Variants in TESK2 observed in about 807,000 individuals in gnomAD.
TESK2 encodes the protein dual specificity testis-specific protein kinase 2.
TESK2 carries 39 observed loss-of-function variants against 57.1 expected under a neutral mutation model. The ratio of observed to expected loss-of-function variants is 0.68; its 90% CI spans 0.53 to 0.89. The LOEUF is 0.89. Among genes scored for constraint, TESK2 ranks in the 40% least tolerant of loss-of-function variants. TESK2 has a pLI of 0.00. For synonymous variants in TESK2, 249 were observed against 267.9 expected, an observed-to-expected ratio of 0.93 and a Z score of 0.69; for missense variants, 646 against 732.1, an observed-to-expected ratio of 0.88 and a Z score of 1.36.
chr1:45,346,577 TAC>T, intron 9 of TESK2, 114 bp downstream of exon 9: 1 of 804,818 alleles, frequency 1.2e-6, no homozygotes, highest in Non-Finnish European at 2.1e-6. Flanking sequence ...TTGCTGTCAC[TAC>T]AGTGAAAATG....
chr1:45,401,528 A>AT (rs1649597361), intron 3 of TESK2, among the ~76,000 whole-genome samples: 1 of 152,168 alleles, frequency 6.6e-6, no homozygotes, highest in Non-Finnish European at 1.5e-5. Flanking sequence ...GGGCCACTGT[A>AT]TCAAAGCTGT....
chr1:45,376,403 G>C (rs1161868751), intron 4 of TESK2, among the ~76,000 whole-genome samples: 4 of 148,304 alleles, frequency 2.7e-5, no homozygotes, highest in Non-Finnish European at 5.9e-5. Context: ...TTTTTTAGTA[G>C]AGACAGGGTT....
intron 2 of TESK2, among the ~76,000 whole-genome samples, chr1:45,436,754 C>T (rs867665388): frequency 2.5e-4 from 37 of 150,834 alleles, no homozygotes; most frequent in African/African-American, 8.8e-4. Context: ...TCCCAAAGTG[C>T]TGGGATTACA....
At chr1:45,353,567 A>T (rs1190297227) in intron 5 of TESK2, among the ~76,000 whole-genome samples, 2 of 152,118 alleles carry the variant, frequency 1.3e-5, no homozygotes, top group Non-Finnish European at 2.9e-5. Flanking sequence ...GGGCAGAAGG[A>T]GTAGGAGTAT....
intron 4 of TESK2, among the ~76,000 whole-genome samples, chr1:45,359,289 G>A (rs865821213): frequency 4.0e-5 from 6 of 151,716 alleles, no homozygotes; most frequent in African/African-American, 7.3e-5. Context: ...GCCAGGCGCC[G>A]TGGCTCACGC....
In TESK2 at chr1:45,415,283, T is replaced by A; in HGVS notation, c.344+6442A>T. On this transcript the variant is annotated intron_variant, in intron 3 of 10. Coordinates refer to ENST00000372086, the MANE Select transcript of TESK2 (RefSeq NM_007170.3). ...AATATTGTGGAGGCCATGGGGCACT[T>A]TGGGTCTGGGAATGGCAAGACCAGC... The A allele has an allele frequency of 4.5e-6, 6 of 1,348,044 alleles. No individual in the cohort carries two copies. In the South Asian group the frequency reaches 7.0e-5, roughly 16 times the overall value. 83.5% of individuals were successfully genotyped at this position (1,348,044 alleles called of 1,614,324 possible). A position where few individuals can be genotyped will look rare whatever the true frequency, so the allele number is the denominator to read the frequency against.
chr1:45,425,161 C>T lies in TESK2; in HGVS notation c.223-3315G>A, dbSNP rs577175599. 5.9e-5 allele frequency among the ~76,000 whole-genome samples: 9 copies of T among 152,202 alleles called. No individual in the cohort carries two copies. The South Asian group carries it at 1.9e-3, about 32-fold the overall frequency. ...GATTATGATCTTGTATTTGGAAAAA[C>T]CTAAGACTACACTAAAAAAACTATT... On this transcript the variant is annotated intron_variant, in intron 2 of 10. Coordinates refer to ENST00000372086, the MANE Select transcript of TESK2 (RefSeq NM_007170.3).
chr1:45,489,645 C>T (rs1653634618), intron 1 of TESK2, among the ~76,000 whole-genome samples: 1 of 152,144 alleles, frequency 6.6e-6, no homozygotes, highest in African/African-American at 2.4e-5. Flanking sequence ...CAAAAATTAG[C>T]CGGACGTGGT....
chr1:45,480,458 C>CAAA (rs112614744), intron 1 of TESK2, among the ~76,000 whole-genome samples: 1 of 74,078 alleles, frequency 1.3e-5, no homozygotes, highest in African/African-American at 4.4e-5. Context: ...ACTCAGTCTC[C>CAAA]AAAAAAAAAA....
intron 3 of TESK2, among the ~76,000 whole-genome samples, chr1:45,408,571 A>C (rs1649931637): frequency 6.6e-6 from 1 of 152,238 alleles, no homozygotes; most frequent in African/African-American, 2.4e-5. Flanking sequence ...TATGGCTCAT[A>C]TAAAAAATGT....
intron 3 of TESK2, chr1:45,415,415 C>T (rs976273691): frequency 6.9e-6 from 5 of 724,342 alleles, no homozygotes; most frequent in African/African-American, 3.5e-5. Context: ...ACTCCTCCAC[C>T]CCATTTGCTC....
chr1:45,438,253 T>C (rs1651307951), intron 2 of TESK2, among the ~76,000 whole-genome samples: 1 of 152,198 alleles, frequency 6.6e-6, no homozygotes, highest in South Asian at 2.1e-4. Context: ...CCCAGCACTT[T>C]GGGAGGCTGA....
At chr1:45,433,095 A>C (rs1462405497) in intron 2 of TESK2, among the ~76,000 whole-genome samples, 2 of 54,950 alleles carry the variant, frequency 3.6e-5, no homozygotes, top group African/African-American at 1.6e-4. Context: ...TTTTTTTTTG[A>C]GACCGAGTCT....
chr1:45,396,810 T>G (rs570392327), intron 3 of TESK2, among the ~76,000 whole-genome samples: 275 of 133,106 alleles, frequency 2.1e-3, no homozygotes, highest in East Asian at 0.014. Context: ...AAGTTGTTTT[T>G]TTTTTTTTTT....
chr1:45,394,679 CTTTTTTTTTTTT>C (rs5773871), intron 3 of TESK2, among the ~76,000 whole-genome samples: 23 of 57,426 alleles, frequency 4.0e-4, no homozygotes, highest in Middle Eastern at 0.045. Flanking sequence ...ACAGGAAACT[CTTTTTTTTTTTT>C]TTTTTTTTTT....
intron 3 of TESK2, among the ~76,000 whole-genome samples, chr1:45,395,873 C>T (rs1649335917): frequency 6.6e-6 from 1 of 152,144 alleles, no homozygotes; most frequent in Non-Finnish European, 1.5e-5. Flanking sequence ...CAGCAAGATA[C>T]CATTCTCTTG....
chr1:45,393,623 C>A (rs1019404691), intron 3 of TESK2, among the ~76,000 whole-genome samples: 1 of 151,938 alleles, frequency 6.6e-6, no homozygotes, highest in South Asian at 2.1e-4. Context: ...CGTCTGTAGT[C>A]CCAGCTACTC....
chr1:45,426,428 A>G (rs1650691054), intron 2 of TESK2, among the ~76,000 whole-genome samples: 1 of 152,204 alleles, frequency 6.6e-6, no homozygotes, highest in Non-Finnish European at 1.5e-5. Flanking sequence ...CTAGACTCCT[A>G]TCTCTAGCCA....
intron 4 of TESK2, among the ~76,000 whole-genome samples, chr1:45,372,120 C>T (rs776603918): frequency 2.6e-5 from 4 of 151,958 alleles, no homozygotes; most frequent in East Asian, 1.9e-4. Flanking sequence ...TGGTGGCACA[C>T]GCCTGTAGTA....
Sources: gnomAD v4.1 joint callset for allele counts (sites outside exome capture counted in the v4.1 genomes callset) on GRCh38, gnomAD v4.1.1 for gene constraint, MANE v1.5 for transcripts, NCBI Gene and HGNC (gene_info 2026-07-23, HGNC 2026-07-21) for gene names.